Variants in SEPTIN9 observed in about 807,000 individuals in gnomAD.
SEPTIN9 encodes the protein septin-9.
SEPTIN9 carries 13 observed loss-of-function variants against 56.6 expected under a neutral mutation model. That is an observed-to-expected ratio of 0.23 (90% confidence interval 0.15 to 0.37). The LOEUF is 0.37. SEPTIN9 is among the 10% of genes least tolerant of loss of function. SEPTIN9 has a pLI of 1.00. For synonymous variants in SEPTIN9, 332 were observed against 334.1 expected (o/e 0.99, Z 0.07); for missense variants, 650 against 823.1 (o/e 0.79, Z 2.57).
At position 77,449,063 on chromosome 17, in the gene SEPTIN9, C is replaced by T. The variant is rs941970233; in HGVS notation, c.722-33081C>T. On this transcript the variant is annotated intron_variant, in intron 3 of 11. Transcript: ENST00000427177. This position sits in a 1 kb window ranked among gnomAD's most constrained non-coding sequence, Gnocchi z 4.6. ...CCTCCCAAAGTGCTGGTATGACAGG[C>T]GTGAGCCACTGTGCCTGGCTTGTTC... Among the ~76,000 whole-genome samples, 5 of 152,120 alleles carry T rather than the reference C, an allele frequency of 3.3e-5. No homozygotes were observed. The highest frequency in any genetic ancestry group is 2.6e-4 in the Admixed American group (4 of 15,268).
chr17:77,467,803 G>A (rs1054654916), intron 3 of SEPTIN9, among the ~76,000 whole-genome samples: 1 of 152,214 alleles, frequency 6.6e-6, no homozygotes, highest in Non-Finnish European at 1.5e-5. Flanking sequence ...CCCCCATGCT[G>A]GTCTGGGAGA....
At chr17:77,377,483 T>A (rs1371036326) in intron 2 of SEPTIN9, among the ~76,000 whole-genome samples, 1 of 152,014 alleles carries the variant, frequency 6.6e-6, no homozygotes, top group Non-Finnish European at 1.5e-5. Flanking sequence ...CGAGAAAGAA[T>A]CCAAAAGTCC....
intron 3 of SEPTIN9, among the ~76,000 whole-genome samples, chr17:77,477,448 A>G (rs1026198029): frequency 7.9e-5 from 12 of 152,324 alleles, no homozygotes; most frequent in Non-Finnish European, 1.5e-4. Flanking sequence ...TTCAGAGTTC[A>G]TCTGTGTTGG....
In SEPTIN9 at chr17:77,451,366, G is replaced by A. The variant is rs1177764615; in HGVS notation, c.722-30778G>A. On this transcript the variant is annotated intron_variant, in intron 3 of 11. Transcript: ENST00000427177. This position sits in a 1 kb window ranked among gnomAD's most constrained non-coding sequence, Gnocchi z 4.2. ...ATTCCCCACCGAGCCTCCCTTCCCA[G>A]GCAGTCGAGGTCCCTCCCTACCTCT... 1 of 985,704 alleles carries A rather than the reference G, an allele frequency of 1.0e-6. No individual in the cohort carries two copies. Among genetic ancestry groups the A allele is most frequent in the Admixed American group, 6.1e-5 (1 of 16,266 alleles). The allele number at this position is 985,704 out of a possible 1,614,324, so 61.1% of individuals were successfully genotyped here.
chr17:77,428,341 C>A (rs1356627584), intron 3 of SEPTIN9, among the ~76,000 whole-genome samples: 1 of 152,236 alleles, frequency 6.6e-6, no homozygotes, highest in Non-Finnish European at 1.5e-5. Context: ...CACACAGAAT[C>A]TCAACTGGGG....
At chr17:77,357,438 T>C (rs1450600544) in intron 2 of SEPTIN9, among the ~76,000 whole-genome samples, 2 of 152,310 alleles carry the variant, frequency 1.3e-5, no homozygotes, top group Middle Eastern at 3.4e-3. Context: ...ATCACCTAGA[T>C]TCTACCACTA....
At chr17:77,452,179 A>G (rs911509105) in intron 3 of SEPTIN9, among the ~76,000 whole-genome samples, 6 of 152,192 alleles carry the variant, frequency 3.9e-5, no homozygotes, top group African/African-American at 1.2e-4. Flanking sequence ...TTGCTTCTCT[A>G]CAATGGCATG....
rs550772972 is a variant in SEPTIN9 at position 77,333,230 on chromosome 17, A to C, written c.76+26033A>C. Reference sequence around the variant, plus strand: ...CCTGATGACTAATGCGGTTGAGCACATTTTCATGATTGGCTCTTCATATAT... The same window carrying C: ...CCTGATGACTAATGCGGTTGAGCACCTTTTCATGATTGGCTCTTCATATAT... On this transcript the variant is annotated intron_variant, in intron 2 of 11. Coordinates refer to ENST00000427177, the MANE Select transcript of SEPTIN9 (RefSeq NM_001113491.2). Among the ~76,000 whole-genome samples, 301 of 152,214 alleles carry C rather than the reference A, an allele frequency of 2.0e-3. 2 individuals are homozygous for C. The highest frequency in any genetic ancestry group is 6.9e-3 in the African/African-American group (287 of 41,528).
intron 2 of SEPTIN9, among the ~76,000 whole-genome samples, chr17:77,342,892 T>C (rs2143766143): frequency 6.6e-6 from 1 of 152,270 alleles, no homozygotes; most frequent in South Asian, 2.1e-4. Context: ...GAGGATAGTT[T>C]GAGCCCGGGA....
chr17:77,450,801 C>G lies in SEPTIN9; in HGVS notation c.722-31343C>G, dbSNP rs2037935299. The G allele has an allele frequency of 5.1e-6, 5 of 986,402 alleles. No individual in the cohort carries two copies. The Admixed American group carries it at 3.1e-4, about 61-fold the overall frequency. 61.1% of individuals were successfully genotyped at this position (986,402 alleles called of 1,614,324 possible). ...AAGAGCTCAGGGTGAGCTGCGCCCC[C>G]ATCCCCTGCCCCTCCTCTCCTGCTC... On this transcript the variant is annotated intron_variant, in intron 3 of 11. Transcript: ENST00000427177. The surrounding 1 kb of genome is among the most constrained non-coding windows in gnomAD (Gnocchi z 6.0).
chr17:77,372,025 G>A (rs1316751826), intron 2 of SEPTIN9, among the ~76,000 whole-genome samples: 1 of 152,162 alleles, frequency 6.6e-6, no homozygotes, highest in East Asian at 1.9e-4. Context: ...GGAGGGGCAA[G>A]TGGGCAGCGA....
At position 77,285,341 on chromosome 17, in the gene SEPTIN9, G is replaced by A. The variant is rs560927191; in HGVS notation, c.19+3787G>A. ...CGAGGCCGATGAGCCACAGAAGCGG[G>A]ACTGAGGTTGCGTCACACCCCTACT... On this transcript the variant is annotated intron_variant, in intron 1 of 11. Coordinates refer to ENST00000427177, the MANE Select transcript of SEPTIN9 (RefSeq NM_001113491.2). 6.6e-5 allele frequency among the ~76,000 whole-genome samples: 10 copies of A among 152,300 alleles called. No individual in the cohort carries two copies. The East Asian group carries it at 1.9e-3, about 29-fold the overall frequency.
At chr17:77,286,013 C>T (rs912065582) in intron 1 of SEPTIN9, among the ~76,000 whole-genome samples, 1 of 152,266 alleles carries the variant, frequency 6.6e-6, no homozygotes, top group African/African-American at 2.4e-5. Flanking sequence ...CTCTTCTCCC[C>T]CAGCCCCGTC....
chr17:77,384,374 T>C (rs939944559), intron 2 of SEPTIN9, among the ~76,000 whole-genome samples: 1 of 152,038 alleles, frequency 6.6e-6, no homozygotes, highest in Non-Finnish European at 1.5e-5. Flanking sequence ...ACCCTGGAGC[T>C]GAGACTTGGC....
At chr17:77,464,975 C>T (rs1484482835) in intron 3 of SEPTIN9, among the ~76,000 whole-genome samples, 2 of 152,180 alleles carry the variant, frequency 1.3e-5, no homozygotes, top group Non-Finnish European at 2.9e-5. Context: ...GAGACCCTGC[C>T]CCCATTAGCC....
chr17:77,402,670 C>G lies in SEPTIN9; in HGVS notation c.688C>G (p.Pro230Ala), dbSNP rs775642445. ...CAGGCTGGAGCCCAAGCCCCAGCCC[C>G]CTGTGGCTGAGGCTACACCCCGGAG... Reference protein sequence around the residue: ...QSRLEPKPQPPVAEATPRSQE... With the variant: ...QSRLEPKPQPAVAEATPRSQE... Residue 230 changes from proline to alanine, a missense_variant, in exon 3 of 12, where the codon CCT becomes GCT. This residue lies in a region of SEPTIN9 where 317 missense variants were observed against 329.1 expected (regional missense o/e 0.96). Transcript: ENST00000427177. The surrounding 1 kb of genome is among the most constrained non-coding windows in gnomAD (Gnocchi z 6.6). 4 of 1,607,054 alleles carry G rather than the reference C, an allele frequency of 2.5e-6. No homozygotes were observed. The highest frequency in any genetic ancestry group is 1.7e-4 in the Middle Eastern group (1 of 5,832).
At chr17:77,462,465 G>A (rs2038520844) in intron 3 of SEPTIN9, among the ~76,000 whole-genome samples, 1 of 151,972 alleles carries the variant, frequency 6.6e-6, no homozygotes, top group Non-Finnish European at 1.5e-5. Flanking sequence ...TTTATTTTTT[G>A]TAGAGACAGG....
chr17:77,420,379 G>A (rs989604774), intron 3 of SEPTIN9, among the ~76,000 whole-genome samples: 5 of 152,214 alleles, frequency 3.3e-5, no homozygotes, highest in African/African-American at 1.2e-4. Context: ...GGTTCTGCGA[G>A]GCCCCTACTG....
At chr17:77,410,074 G>T (rs2036239088) in intron 3 of SEPTIN9, among the ~76,000 whole-genome samples, 1 of 152,200 alleles carries the variant, frequency 6.6e-6, no homozygotes, top group Admixed American at 6.5e-5. Context: ...GTCCAAGGGG[G>T]GCTCCTGGGG....
Sources: allele counts gnomAD v4.1 joint callset (sites outside exome capture counted in the v4.1 genomes callset), GRCh38; gene constraint gnomAD v4.1.1; regional missense constraint gnomAD v4.1.1; non-coding constraint Gnocchi (gnomAD v3.1); transcripts MANE v1.5; gene names NCBI Gene and HGNC (gene_info 2026-07-23, HGNC 2026-07-21).